ANK3: variants seen among roughly 807,000 people sequenced by gnomAD.
The protein encoded by ANK3 is ankyrin-3.
ANK3 carries 57 observed loss-of-function variants against 370.9 expected under a neutral mutation model. That is an observed-to-expected ratio of 0.15 (90% CI 0.12 to 0.19). The LOEUF (loss-of-function observed/expected upper bound fraction) is 0.19, where lower values mean the gene tolerates loss of function less well. Ranked by LOEUF, ANK3 falls within the 10% of genes least tolerant of loss-of-function variation. The pLI is 1.00. For missense variants in ANK3, 4,439 were observed against 5,302.1 expected (o/e 0.84, Z 5.06); for synonymous variants, 1,929 against 1,946.3 (o/e 0.99, Z 0.23).
chr10:60,666,702 G>A (rs763107718), intron 1 of ANK3, among the ~76,000 whole-genome samples: 8 of 152,068 alleles, frequency 5.3e-5, no homozygotes, highest in Non-Finnish European at 1.2e-4. Flanking sequence ...AAATAATGTA[G>A]ACTATCTTCA....
At chr10:60,207,426 C>T (rs1354419267) in intron 10 of ANK3, among the ~76,000 whole-genome samples, 1 of 152,142 alleles carries the variant, frequency 6.6e-6, no homozygotes, top group Non-Finnish European at 1.5e-5. Flanking sequence ...CTGAAATAGA[C>T]AGCTTACTAA....
chr10:60,428,119 T>C (rs1425118008), intron 2 of ANK3, among the ~76,000 whole-genome samples: 1 of 152,190 alleles, frequency 6.6e-6, no homozygotes, highest in Non-Finnish European at 1.5e-5. Context: ...TTAAATAGCA[T>C]TTCCATGCAG....
chr10:60,726,065 T>C (rs1423193611), intron 1 of ANK3, among the ~76,000 whole-genome samples: 1 of 152,212 alleles, frequency 6.6e-6, no homozygotes, highest in East Asian at 1.9e-4. Context: ...ACTTCAACAA[T>C]GTAATTACTT....
At chr10:60,663,028 A>C (rs959868404) in intron 1 of ANK3, among the ~76,000 whole-genome samples, 3 of 152,170 alleles carry the variant, frequency 2.0e-5, no homozygotes, top group Non-Finnish European at 4.4e-5. Context: ...CAAACAACCT[A>C]AGAGTTCATG....
chr10:60,711,539 A>G (rs897885134), intron 1 of ANK3, among the ~76,000 whole-genome samples: 7 of 152,076 alleles, frequency 4.6e-5, no homozygotes, highest in African/African-American at 1.7e-4. Context: ...AAGAGAAAAA[A>G]GAATATTTTT....
chr10:60,221,266 G>C (rs918081423), intron 8 of ANK3, among the ~76,000 whole-genome samples: 1 of 152,008 alleles, frequency 6.6e-6, no homozygotes, highest in Non-Finnish European at 1.5e-5. Flanking sequence ...TTTTAGTAGA[G>C]ACTGAGTTTC....
At chr10:60,030,230 C>T (rs1022002810) in intron 43 of ANK3, among the ~76,000 whole-genome samples, 1 of 152,050 alleles carries the variant, frequency 6.6e-6, no homozygotes, top group African/African-American at 2.4e-5. Flanking sequence ...GCAAGCTCTG[C>T]CTCCTGGGTT....
In ANK3 at chr10:60,180,011, C is replaced by CTG. The variant is rs1021184349; in HGVS notation, c.2184+1316_2184+1317dup. Among the ~76,000 whole-genome samples, 6 of 145,136 alleles carry CTG rather than the reference C, an allele frequency of 4.1e-5. No homozygotes were observed. In the East Asian group the frequency reaches 7.7e-4, roughly 19 times the overall value. On this transcript the variant is annotated intron_variant, in intron 18 of 43. Transcript: ENST00000280772. Reference sequence around the variant, plus strand: ...TGTTTAAGTCTGTCTCTCTCTCTCTCTGTGTGTGAATAAAGCGGTATGGAA... The same window carrying CTG: ...TGTTTAAGTCTGTCTCTCTCTCTCTCTGTGTGTGTGAATAAAGCGGTATGGAA...
chr10:60,682,012 A>C (rs964365173), intron 1 of ANK3, among the ~76,000 whole-genome samples: 8 of 152,100 alleles, frequency 5.3e-5, no homozygotes, highest in African/African-American at 1.9e-4. Context: ...TTAGCTGGGC[A>C]TGATGGTACC....
chr10:60,588,724 T>C (rs1182976278), intron 2 of ANK3, among the ~76,000 whole-genome samples: 1 of 148,782 alleles, frequency 6.7e-6, no homozygotes, highest in Non-Finnish European at 1.5e-5. Flanking sequence ...CTGGGCAACA[T>C]AGTGAGACCT....
intron 1 of ANK3, among the ~76,000 whole-genome samples, chr10:60,342,893 C>T (rs2054582172): frequency 6.6e-6 from 1 of 152,186 alleles, no homozygotes; most frequent in Non-Finnish European, 1.5e-5. Context: ...TGAAGATTAA[C>T]AATTCTCATT....
intron 2 of ANK3, among the ~76,000 whole-genome samples, chr10:60,470,388 A>G (rs908034288): frequency 2.0e-5 from 3 of 152,116 alleles, no homozygotes; most frequent in Non-Finnish European, 2.9e-5. Context: ...CTTGCAAGTC[A>G]ACATTTTCTG....
At position 60,679,343 on chromosome 10, in the gene ANK3, G is replaced by A. The variant is rs186317704; in HGVS notation, c.57+53920C>T. Among the ~76,000 whole-genome samples the A allele has an allele frequency of 2.2e-3, 341 of 152,266 alleles. 4 individuals are homozygous for A. The highest frequency in any genetic ancestry group is 9.8e-4 in the Non-Finnish European group (67 of 68,024). On this transcript the variant is annotated intron_variant, in intron 1 of 43. Transcript: ENST00000373827. ...ACCATCAGGTGATGGTCAGGCGGTT[G>A]TTAAACAGTTTCTCTAAAATAAAAA...
At chr10:60,249,780 C>A (rs1230590385) in intron 7 of ANK3, among the ~76,000 whole-genome samples, 1 of 152,144 alleles carries the variant, frequency 6.6e-6, no homozygotes, top group Admixed American at 6.5e-5. Context: ...ATACCCCATC[C>A]TCAACGAGAA....
intron 2 of ANK3, among the ~76,000 whole-genome samples, chr10:60,461,589 A>G (rs1217508116): frequency 1.3e-5 from 2 of 152,142 alleles, no homozygotes; most frequent in Admixed American, 6.6e-5. Flanking sequence ...GTCTAGGTGT[A>G]TGCCCTGACT....
chr10:60,056,226 T>C (rs988019100), intron 41 of ANK3, among the ~76,000 whole-genome samples, 190 bp from the exon 42 acceptor site: 1 of 152,186 alleles, frequency 6.6e-6, no homozygotes, highest in Non-Finnish European at 1.5e-5. Flanking sequence ...TCCCAGCACC[T>C]TGGGAGGCTG....
intron 7 of ANK3, among the ~76,000 whole-genome samples, chr10:60,252,856 G>C (rs765221113): frequency 3.3e-5 from 5 of 152,174 alleles, no homozygotes; most frequent in Non-Finnish European, 5.9e-5. Flanking sequence ...TGCTTTACAG[G>C]GGAACGTGAC....
chr10:60,186,935 C>T, intron 16 of ANK3, 23 bp from the exon 17 acceptor site: 1 of 1,610,444 alleles, frequency 6.2e-7, no homozygotes, highest in Non-Finnish European at 8.5e-7. Context: ...ATCACTTGGT[C>T]ACATGCCCAG....
intron 2 of ANK3, among the ~76,000 whole-genome samples, chr10:60,552,200 T>C (rs957040802): frequency 5.9e-5 from 9 of 152,186 alleles, no homozygotes; most frequent in Admixed American, 5.2e-4. Context: ...CACTTAGAAC[T>C]GAGAAAACAT....
Sources: gnomAD v4.1 joint callset for allele counts (sites outside exome capture counted in the v4.1 genomes callset) on GRCh38, gnomAD v4.1.1 for gene constraint, MANE v1.5 for transcripts, NCBI Gene and HGNC (gene_info 2026-07-23, HGNC 2026-07-21) for gene names.